Variants in GPA33 observed in about 807,000 individuals in gnomAD.
GPA33 encodes glycoprotein A33.
In GPA33, 27 loss-of-function variants were observed where a neutral mutation model predicts 35.6. That is an observed-to-expected ratio of 0.76 (90% CI 0.56 to 1.04). The LOEUF (loss-of-function observed/expected upper bound fraction) is 1.04. Among genes scored for constraint, GPA33 ranks in the 50% least tolerant of loss-of-function variants. The pLI is 0.00. For missense variants in GPA33, 428 were observed against 411.9 expected (o/e 1.04, Z -0.34); for synonymous variants, 176 against 164.0 (o/e 1.07, Z -0.56).
chr1:167,062,010 AC>A, intron 4 of GPA33, among the ~76,000 whole-genome samples: 1 of 151,268 alleles, frequency 6.6e-6, no homozygotes, highest in Non-Finnish European at 1.5e-5. Context: ...CCTCATCCCC[AC>A]CCCCGGGGCA....
chr1:167,077,216 AAAAG>A (rs1401271108), intron 1 of GPA33, among the ~76,000 whole-genome samples: 2 of 152,094 alleles, frequency 1.3e-5, no homozygotes, highest in African/African-American at 4.8e-5. Flanking sequence ...CAAAAAAAAA[AAAAG>A]AGAAGAAAAC....
intron 1 of GPA33, among the ~76,000 whole-genome samples, chr1:167,088,963 G>A (rs1667106829): frequency 6.6e-6 from 1 of 152,158 alleles, no homozygotes. Flanking sequence ...AATCATTCCA[G>A]ACTCCTCACT....
intron 1 of GPA33, among the ~76,000 whole-genome samples, chr1:167,086,308 C>T (rs922138106): frequency 3.9e-5 from 6 of 152,216 alleles, no homozygotes; most frequent in Non-Finnish European, 8.8e-5. Flanking sequence ...AGATGGTGGG[C>T]GGGCCGCTTA....
intron 1 of GPA33, among the ~76,000 whole-genome samples, chr1:167,087,631 A>G (rs145792992): frequency 1.3e-5 from 2 of 152,282 alleles, no homozygotes; most frequent in East Asian, 3.9e-4. Context: ...GATAATCATA[A>G]AAAGCAGACC....
intron 1 of GPA33, among the ~76,000 whole-genome samples, chr1:167,087,908 T>TCACACACACA (rs1491326252): frequency 6.6e-4 from 99 of 149,206 alleles, no homozygotes; most frequent in Non-Finnish European, 8.3e-4. Flanking sequence ...CCAGACTCTG[T>TCACACACACA]CTCACACACA....
rs773645775 is a variant in GPA33, at chr1:167,073,403, C to A, written c.180G>T (p.Lys60Asn). 1.2e-6 allele frequency: 2 copies of A among 1,614,034 alleles called. No homozygotes were observed. The highest frequency in any genetic ancestry group is 3.3e-5 in the Admixed American group (2 of 60,028). ...TCCTTACCGTATGAGTGAGGAGGAG[C>A]TTATCCCATTGAATAAGTCCCTCTC... ...SSREGLIQWDKLLLTHTERVV... is the reference protein window; with the variant it reads ...SSREGLIQWDNLLLTHTERVV... Residue 60 changes from lysine to asparagine, a missense_variant, in exon 2 of 7, where the codon AAG becomes AAT. By Grantham distance (94) the Lys-to-Asn change is moderately conservative. Transcript: ENST00000367868.
At chr1:167,088,471 G>A (rs1326159371) in intron 1 of GPA33, among the ~76,000 whole-genome samples, 1 of 152,204 alleles carries the variant, frequency 6.6e-6, no homozygotes, top group African/African-American at 2.4e-5. Flanking sequence ...TATGGAGGAA[G>A]AAAAGTTGGT....
intron 1 of GPA33, among the ~76,000 whole-genome samples, chr1:167,087,323 A>T (rs1311412357): frequency 2.0e-5 from 3 of 152,184 alleles, no homozygotes; most frequent in African/African-American, 7.2e-5. Flanking sequence ...TTGAGTTGTT[A>T]TTATGTGTCA....
rs757174332 is a variant in GPA33 at position 167,073,451 on chromosome 1, G to A, written c.132C>T (p.Thr44=). 3.7e-6 allele frequency: 6 copies of A among 1,612,768 alleles called. No individual in the cohort carries two copies. In the East Asian group the frequency reaches 1.1e-4, roughly 30 times the overall value. ...SQGKSVTLPC[T]YHTSTSSREG... is the part of the protein sequence containing the mutation. ...CTCGACTGGAGGTGGAAGTGTGGTA[G>A]GTGCAGGGCAGGGTGACACTCTTTC... Residue 44 remains threonine (T), a synonymous_variant, in exon 2 of 7, where the codon ACC becomes ACT. Transcript: ENST00000367868.
Position 167,053,626 on chromosome 1 carries a change from A to G in GPA33, c.*708T>C, listed in dbSNP as rs1666161488. The G allele has an allele frequency of 1.3e-5, 2 of 152,304 alleles. No homozygotes were observed. Among genetic ancestry groups the G allele is most frequent in the Admixed American group, 1.3e-4 (2 of 15,292 alleles). The allele number at this position is 152,304 out of a possible 1,614,324, so 9.4% of individuals were successfully genotyped here. Reference sequence around the variant, plus strand: ...AGGATTGTTTCCACGTATGTGGACAATTAGGATAGGGTTAGAGAAATCCTT... The same window carrying G: ...AGGATTGTTTCCACGTATGTGGACAGTTAGGATAGGGTTAGAGAAATCCTT... On this transcript the variant is annotated 3_prime_UTR_variant, in exon 7 of 7. Transcript: ENST00000367868.
chr1:167,078,336 A>G (rs1427922600), intron 1 of GPA33, among the ~76,000 whole-genome samples: 1 of 152,216 alleles, frequency 6.6e-6, no homozygotes, highest in Non-Finnish European at 1.5e-5. Flanking sequence ...AGATCCTCTT[A>G]ACCAAATGCT....
chr1:167,060,348 C>T (rs1294002736), intron 4 of GPA33, among the ~76,000 whole-genome samples: 1 of 152,222 alleles, frequency 6.6e-6, no homozygotes, highest in Non-Finnish European at 1.5e-5. Flanking sequence ...GCTGGGATTA[C>T]AGGCATGAGC....
At chr1:167,067,652 C>CA (rs563886234) in intron 3 of GPA33, among the ~76,000 whole-genome samples, 5 of 152,018 alleles carry the variant, frequency 3.3e-5, no homozygotes, top group Admixed American at 2.0e-4. Flanking sequence ...ATTGTTCATA[C>CA]AAAAAAATGT....
chr1:167,071,294 G>T (rs1245042971), intron 2 of GPA33, among the ~76,000 whole-genome samples: 2 of 152,220 alleles, frequency 1.3e-5, no homozygotes, highest in Non-Finnish European at 2.9e-5. Context: ...GATGAAATAA[G>T]ATGGCTGAAT....
At chr1:167,065,591 A>G (rs1666573979) in intron 3 of GPA33, among the ~76,000 whole-genome samples, 1 of 152,106 alleles carries the variant, frequency 6.6e-6, no homozygotes, top group African/African-American at 2.4e-5. Flanking sequence ...GAGCATCAGG[A>G]GTGCATTCTG....
At chr1:167,066,318 A>G (rs1262418701) in intron 3 of GPA33, among the ~76,000 whole-genome samples, 3 of 152,212 alleles carry the variant, frequency 2.0e-5, no homozygotes, top group African/African-American at 7.2e-5. Context: ...AATGCATCCA[A>G]AAACTGTTAT....
chr1:167,055,195 A>G (rs993423000), intron 5 of GPA33, 84 bp from the exon 6 acceptor site: 62 of 1,372,252 alleles, frequency 4.5e-5, no homozygotes, highest in Non-Finnish European at 6.1e-5. Flanking sequence ...AGCAGCTACC[A>G]GCTTCTGGTA....
rs117291203 is a variant in GPA33 at position 167,059,238 on chromosome 1, C to A, written c.572-3389G>T. Among the ~76,000 whole-genome samples, 120 of 152,242 alleles carry A rather than the reference C, an allele frequency of 7.9e-4. 2 individuals carry two copies. The East Asian group carries it at 0.02, about 25-fold the overall frequency. On this transcript the variant is annotated intron_variant, in intron 4 of 6. Coordinates refer to ENST00000367868, the MANE Select transcript of GPA33 (RefSeq NM_005814.3). ...TGTGCCACAGGACCTTCTTTGATTC[C>A]GAGTTGGGGCTCCCAAGCCCCTTTT...
chr1:167,076,309 C>T (rs1259918702), intron 1 of GPA33, among the ~76,000 whole-genome samples: 2 of 151,972 alleles, frequency 1.3e-5, no homozygotes, highest in African/African-American at 2.4e-5. Context: ...GAAGAGATGC[C>T]GGGCTGTCTA....
Sources: allele counts gnomAD v4.1 joint callset (sites outside exome capture counted in the v4.1 genomes callset), GRCh38; gene constraint gnomAD v4.1.1; transcripts MANE v1.5; gene names NCBI Gene and HGNC (gene_info 2026-07-23, HGNC 2026-07-21).